Variants in SLC2A9 observed in about 807,000 individuals in gnomAD.
SLC2A9 encodes solute carrier family 2, facilitated glucose transporter member 9.
In SLC2A9, 39 loss-of-function variants were observed where a neutral mutation model predicts 50.6. That is an observed-to-expected ratio of 0.77 (90% CI 0.60 to 1.01). The LOEUF (loss-of-function observed/expected upper bound fraction) is 1.01, where lower values mean the gene tolerates loss of function less well. Among genes scored for constraint, SLC2A9 ranks in the 50% least tolerant of loss-of-function variants. SLC2A9 has a pLI of 0.00. For synonymous variants in SLC2A9, 324 were observed against 276.9 expected, an observed-to-expected ratio of 1.17 and a Z score of -1.69; for missense variants, 686 against 677.6, an observed-to-expected ratio of 1.01 and a Z score of -0.14.
At chr4:10,005,101 C>G (rs1383739721) in intron 2 of SLC2A9, among the ~76,000 whole-genome samples, 3 of 152,230 alleles carry the variant, frequency 2.0e-5, no homozygotes, top group Non-Finnish European at 4.4e-5. Context: ...TCTGCTGTTT[C>G]TTGCCTTCAA....
At chr4:9,997,995 C>G (rs908010392) in intron 2 of SLC2A9, among the ~76,000 whole-genome samples, 4 of 152,172 alleles carry the variant, frequency 2.6e-5, no homozygotes, top group Non-Finnish European at 5.9e-5. Flanking sequence ...TTTGAACAGA[C>G]TCCAGAGAAA....
At chr4:9,837,362 G>C (rs1486663728) in intron 10 of SLC2A9, among the ~76,000 whole-genome samples, 1 of 152,216 alleles carries the variant, frequency 6.6e-6, no homozygotes, top group Non-Finnish European at 1.5e-5. Flanking sequence ...TTGTCAGAAA[G>C]TGTTTGTGTC....
At chr4:9,980,568 G>A (rs559727456) in intron 5 of SLC2A9, 24 bp downstream of exon 5, 19 of 1,613,884 alleles carry the variant, frequency 1.2e-5, no homozygotes, top group African/African-American at 2.7e-5. Context: ...GAGCAGATGC[G>A]GTTGACCAGG....
intron 1 of SLC2A9, among the ~76,000 whole-genome samples, chr4:9,771,815 T>C (rs1038478033): frequency 1.3e-5 from 2 of 152,034 alleles, no homozygotes; most frequent in Non-Finnish European, 2.9e-5. Flanking sequence ...GAAATGTGAG[T>C]GGGCACTCAC....
intron 5 of SLC2A9, among the ~76,000 whole-genome samples, chr4:9,946,347 T>C (rs988459908): frequency 3.9e-5 from 6 of 152,198 alleles, no homozygotes; most frequent in African/African-American, 1.4e-4. Flanking sequence ...ATAAATAATA[T>C]CATCCTGGAC....
chr4:9,831,113 T>C (rs891646938), intron 11 of SLC2A9, among the ~76,000 whole-genome samples: 2 of 152,062 alleles, frequency 1.3e-5, no homozygotes, highest in African/African-American at 4.8e-5. Context: ...AGGGGTCTGT[T>C]TGGGGGCTGG....
In SLC2A9 at chr4:9,815,934, C is replaced by A. The variant is rs141534021; in HGVS notation, n.420+10486G>T. On this transcript the variant is annotated intron_variant and non_coding_transcript_variant, in intron 3 of 3. Transcript: ENST00000503280. ...CCTGTAATCCCAGCATTTTGGGAGG[C>A]CGAGGCAGGTGGATCACTTGAGGTC... is the stretch of plus-strand genomic sequence containing the variant. Among the ~76,000 whole-genome samples the A allele has an allele frequency of 3.2e-3, 480 of 152,306 alleles. 13 individuals carry two copies. The East Asian group carries it at 0.039, about 12-fold the overall frequency.
At chr4:9,808,332 A>G (rs1283276338) in intron 3 of SLC2A9, among the ~76,000 whole-genome samples, 1 of 152,192 alleles carries the variant, frequency 6.6e-6, no homozygotes, top group African/African-American at 2.4e-5. Context: ...GCCTGTCATT[A>G]CGTTGCCTTT....
At position 10,029,574 on chromosome 4, in the gene SLC2A9, A is replaced by ATT. The variant is rs1470059431; in HGVS notation, c.-40-3569_-40-3568insAA. Among the ~76,000 whole-genome samples the ATT allele has an allele frequency of 4.1e-3, 303 of 73,766 alleles. 5 individuals carry two copies. In the East Asian group the frequency reaches 0.06, roughly 15 times the overall value. 48.4% of individuals were successfully genotyped at this position (73,766 alleles called of 152,430 possible). On this transcript the variant is annotated intron_variant, in intron 1 of 12. Coordinates refer to the SLC2A9 transcript ENST00000309065. ...TATTTTATTTTATTTTATTTATTTT[A>ATT]TATTTTTATTTTATTTTATATTATT...
intron 10 of SLC2A9, among the ~76,000 whole-genome samples, chr4:9,876,603 A>G (rs1734362436): frequency 6.6e-6 from 1 of 152,128 alleles, no homozygotes; most frequent in African/African-American, 2.4e-5. Flanking sequence ...AAACAAACAA[A>G]CAAACAAGCA....
chr4:9,905,966 G>C (rs1012381749), intron 8 of SLC2A9, among the ~76,000 whole-genome samples: 39 of 152,166 alleles, frequency 2.6e-4, no homozygotes, highest in African/African-American at 8.4e-4. Context: ...AAGATAGCAA[G>C]ACCCCCTGTA....
chr4:9,984,430 CAGAGAGAGAGAG>C (rs141819421), intron 4 of SLC2A9, among the ~76,000 whole-genome samples: 1 of 150,002 alleles, frequency 6.7e-6, no homozygotes, highest in Non-Finnish European at 1.5e-5. Context: ...GTGAGAGAGA[CAGAGAGAGAGAG>C]AGAGACAGAG....
At chr4:9,835,833 T>C (rs1198553569) in intron 10 of SLC2A9, among the ~76,000 whole-genome samples, 1 of 152,028 alleles carries the variant, frequency 6.6e-6, no homozygotes, top group East Asian at 1.9e-4. Context: ...ACACCTGTAA[T>C]CCCAGCACTT....
chr4:9,977,567 G>A lies in SLC2A9; in HGVS notation c.681+3025C>T, dbSNP rs1160255481. ...TCCCCCTCCCCCTCCCCCTCCCCCT[G>A]CTCCTGACACCTGAGTTTTTCTGCC... On this transcript the variant is annotated intron_variant, in intron 5 of 11. Transcript: ENST00000264784. Among the ~76,000 whole-genome samples the A allele has an allele frequency of 8.7e-5, 4 of 46,240 alleles. No homozygotes were observed. The Admixed American group carries it at 1.1e-3, about 13-fold the overall frequency. 30.3% of individuals were successfully genotyped at this position (46,240 alleles called of 152,430 possible). A position where few individuals can be genotyped will look rare whatever the true frequency, so the allele number is the denominator to read the frequency against.
intron 5 of SLC2A9, among the ~76,000 whole-genome samples, chr4:9,973,643 T>C (rs990436669): frequency 8.9e-5 from 12 of 134,406 alleles, no homozygotes; most frequent in Non-Finnish European, 1.4e-4. Flanking sequence ...TTCTCACTCA[T>C]AGGTGGGAAT....
At chr4:9,862,353 T>A (rs1456671954) in intron 10 of SLC2A9, among the ~76,000 whole-genome samples, 1 of 152,082 alleles carries the variant, frequency 6.6e-6, no homozygotes, top group African/African-American at 2.4e-5. Context: ...CTTTGTCTTG[T>A]TGCTTCTTTC....
chr4:9,873,787 T>C (rs879452273), intron 10 of SLC2A9, among the ~76,000 whole-genome samples: 40 of 152,214 alleles, frequency 2.6e-4, no homozygotes, highest in Admixed American at 3.3e-4. Flanking sequence ...CGAGCAATAA[T>C]AACTGGTTGT....
At chr4:10,031,087 A>G (rs1477522376) in intron 1 of SLC2A9, among the ~76,000 whole-genome samples, 2 of 152,194 alleles carry the variant, frequency 1.3e-5, no homozygotes, top group Admixed American at 1.3e-4. Context: ...CTGGTTTGTA[A>G]TATCAGCTAA....
At chr4:9,802,930 C>T (rs1454901805) in intron 3 of SLC2A9, among the ~76,000 whole-genome samples, 1 of 152,178 alleles carries the variant, frequency 6.6e-6, no homozygotes, top group African/African-American at 2.4e-5. Context: ...TCACAGAACC[C>T]TTTCCGAAGA....
Sources: allele counts gnomAD v4.1 joint callset (sites outside exome capture counted in the v4.1 genomes callset), GRCh38; gene constraint gnomAD v4.1.1; transcripts MANE v1.5; gene names NCBI Gene and HGNC (gene_info 2026-07-23, HGNC 2026-07-21).